The following NCKAP5 variants were observed in gnomAD, a reference collection of about 807,000 sequenced individuals.
NCKAP5 encodes nck-associated protein 5.
NCKAP5 carries 92 observed loss-of-function variants against 167.0 expected under a neutral mutation model. That is an observed-to-expected ratio of 0.55 (90% CI 0.47 to 0.66). The LOEUF is 0.66. Among genes scored for constraint, NCKAP5 ranks in the 30% least tolerant of loss-of-function variants. The pLI is 0.00. For synonymous variants in NCKAP5, 891 were observed against 877.4 expected (o/e 1.02, Z -0.27); for missense variants, 2,378 against 2,315.0 (o/e 1.03, Z -0.56).
chr2:133,308,689 CTTTTTTTTTTT>C (rs35760716), intron 3 of NCKAP5, among the ~76,000 whole-genome samples: 20 of 59,278 alleles, frequency 3.4e-4, no homozygotes, highest in African/African-American at 1.1e-3. Context: ...AAATACAATT[CTTTTTTTTTTT>C]TTTTTTTTTT....
intron 8 of NCKAP5, among the ~76,000 whole-genome samples, chr2:132,940,898 C>A (rs1456093111): frequency 6.6e-6 from 1 of 151,782 alleles, no homozygotes; most frequent in Non-Finnish European, 1.5e-5. Flanking sequence ...TTATATTACA[C>A]TTGTCTTACT....
the NCKAP5 span, among the ~76,000 whole-genome samples, chr2:133,584,848 A>G: frequency 1.3e-5 from 2 of 152,006 alleles, no homozygotes; most frequent in African/African-American, 4.8e-5. Context: ...GAGAGCTAAT[A>G]TACAATATAA....
chr2:133,476,281 G>T (rs1462857458), intron 3 of NCKAP5, among the ~76,000 whole-genome samples: 1 of 152,192 alleles, frequency 6.6e-6, no homozygotes, highest in Non-Finnish European at 1.5e-5. Flanking sequence ...AAGTCAGGTT[G>T]CCTTTCATCT....
chr2:133,295,607 G>A (rs1679904419), intron 4 of NCKAP5, among the ~76,000 whole-genome samples: 1 of 152,166 alleles, frequency 6.6e-6, no homozygotes, highest in South Asian at 2.1e-4. Context: ...AACTGTGAGA[G>A]GGGACGACTT....
chr2:133,006,390 T>C (rs1170803220), intron 6 of NCKAP5, among the ~76,000 whole-genome samples: 5 of 152,234 alleles, frequency 3.3e-5, no homozygotes, highest in Admixed American at 1.3e-4. Flanking sequence ...GCATTTCACA[T>C]AAGTTAATAT....
chr2:133,598,804 A>G, the NCKAP5 span, among the ~76,000 whole-genome samples: 1 of 152,164 alleles, frequency 6.6e-6, no homozygotes. Flanking sequence ...GGTGGCTGAA[A>G]ACAACAGAAA....
chr2:132,969,260 AC>A lies in NCKAP5; in HGVS notation c.430-5392del, dbSNP rs911434990. Among the ~76,000 whole-genome samples the A allele has an allele frequency of 5.3e-5, 8 of 151,920 alleles. No homozygotes were observed. The South Asian group carries it at 1.0e-3, about 20-fold the overall frequency. On this transcript the variant is annotated intron_variant, in intron 7 of 19. Transcript: ENST00000409261. Reference sequence around the variant, plus strand: ...ATTATGTTAGCCAGGCTGGTCTGTAACTCCTGACCTCAGGTAATCCACCCAC... The same window carrying A: ...ATTATGTTAGCCAGGCTGGTCTGTAATCCTGACCTCAGGTAATCCACCCAC...
rs17804001 is a variant in NCKAP5 at position 133,476,409 on chromosome 2, C to A, written c.69+41049G>T. Among the ~76,000 whole-genome samples the A allele has an allele frequency of 2.6e-3, 396 of 152,276 alleles. 3 individuals are homozygous for A. Among genetic ancestry groups the A allele is most frequent in the Middle Eastern group, 6.8e-3 (2 of 294 alleles). On this transcript the variant is annotated intron_variant, in intron 3 of 19. Coordinates refer to ENST00000409261, the MANE Select transcript of NCKAP5 (RefSeq NM_207363.3). Reference sequence around the variant, plus strand: ...AGGGTTTTCATTAACCAAGGTTCATCAATTCTAATCGGGCTGCCCTCGCAT... The same window carrying A: ...AGGGTTTTCATTAACCAAGGTTCATAAATTCTAATCGGGCTGCCCTCGCAT...
At chr2:132,754,641 T>A (rs551042605) in intron 16 of NCKAP5, among the ~76,000 whole-genome samples, 1 of 152,368 alleles carries the variant, frequency 6.6e-6, no homozygotes, top group Admixed American at 6.5e-5. Context: ...GCATGCCATC[T>A]GTTTTAAAGA....
chr2:133,145,348 G>A (rs72842464), intron 5 of NCKAP5, among the ~76,000 whole-genome samples: 1 of 152,070 alleles, frequency 6.6e-6, no homozygotes, highest in Non-Finnish European at 1.5e-5. Context: ...CGGGAAGTAG[G>A]GGTTAAGAGG....
At chr2:133,551,041 T>C (rs1487108032) in intron 2 of NCKAP5, among the ~76,000 whole-genome samples, 2 of 151,642 alleles carry the variant, frequency 1.3e-5, no homozygotes, top group African/African-American at 2.4e-5. Context: ...TTACAAGGGA[T>C]GTGAAGGACC....
the NCKAP5 span, among the ~76,000 whole-genome samples, chr2:133,635,170 G>C: frequency 6.6e-6 from 1 of 152,198 alleles, no homozygotes; most frequent in East Asian, 1.9e-4. Context: ...CACCATGCCT[G>C]GCTGTATTTT....
chr2:132,773,553 C>G (rs1203709331), intron 16 of NCKAP5, among the ~76,000 whole-genome samples: 1 of 152,208 alleles, frequency 6.6e-6, no homozygotes, highest in Non-Finnish European at 1.5e-5. Flanking sequence ...TACTCAGTAT[C>G]ACTTTCATTT....
intron 3 of NCKAP5, among the ~76,000 whole-genome samples, chr2:133,367,133 A>C (rs911084612): frequency 1.3e-5 from 2 of 152,208 alleles, no homozygotes; most frequent in African/African-American, 4.8e-5. Context: ...AGAACAAAAC[A>C]ACAGCAGAAA....
the NCKAP5 span, among the ~76,000 whole-genome samples, chr2:133,659,528 G>A: frequency 6.6e-6 from 1 of 152,118 alleles, no homozygotes; most frequent in African/African-American, 2.4e-5. Flanking sequence ...AATTTTGCCT[G>A]TCAAAGGATA....
At chr2:133,499,765 G>C (rs1682325207) in intron 3 of NCKAP5, among the ~76,000 whole-genome samples, 1 of 152,076 alleles carries the variant, frequency 6.6e-6, no homozygotes, top group Non-Finnish European at 1.5e-5. Context: ...TCACCATGTA[G>C]GCCAGACTAG....
intron 12 of NCKAP5, among the ~76,000 whole-genome samples, chr2:132,791,904 C>T (rs1313760464): frequency 6.6e-6 from 1 of 152,152 alleles, no homozygotes; most frequent in Non-Finnish European, 1.5e-5. Flanking sequence ...AATAAGCAGC[C>T]CTGCCCACTC....
intron 3 of NCKAP5, among the ~76,000 whole-genome samples, chr2:133,510,821 C>T (rs1683425968): frequency 6.6e-6 from 1 of 152,238 alleles, no homozygotes; most frequent in Admixed American, 6.5e-5. Context: ...CCAACTCTAC[C>T]TCTTACCAGT....
At chr2:133,551,827 A>AT (rs1687331812) in intron 2 of NCKAP5, among the ~76,000 whole-genome samples, 1 of 127,940 alleles carries the variant, frequency 7.8e-6, no homozygotes, top group Admixed American at 8.0e-5. Flanking sequence ...ATGGGAGAAA[A>AT]TTTTTGCAAC....
Sources: gnomAD v4.1 joint callset for allele counts (sites outside exome capture counted in the v4.1 genomes callset) on GRCh38, gnomAD v4.1.1 for gene constraint, MANE v1.5 for transcripts, NCBI Gene and HGNC (gene_info 2026-07-23, HGNC 2026-07-21) for gene names.